The following DOK5 variants were observed in gnomAD, a reference collection of about 807,000 sequenced individuals.
The protein encoded by DOK5 is downstream of tyrosine kinase 5.
DOK5 carries 27 observed loss-of-function variants against 43.3 expected under a neutral mutation model. The observed-to-expected ratio is 0.62, with a 90% CI of 0.46 to 0.86. The LOEUF (loss-of-function observed/expected upper bound fraction) is 0.86. Among genes scored for constraint, DOK5 ranks in the 40% least tolerant of loss-of-function variants. The pLI, the probability that DOK5 is intolerant of heterozygous loss-of-function variation, is 0.00. For missense variants in DOK5, 373 were observed against 392.9 expected (o/e 0.95, Z 0.43); for synonymous variants, 146 against 140.1 (o/e 1.04, Z -0.30).
chr20:54,482,703 G>T (rs901128455), intron 1 of DOK5, among the ~76,000 whole-genome samples: 1 of 152,190 alleles, frequency 6.6e-6, no homozygotes, highest in African/African-American at 2.4e-5. Context: ...CACCATGTTG[G>T]CCAGGCTGGC....
At chr20:54,629,123 C>G (rs898672982) in intron 6 of DOK5, among the ~76,000 whole-genome samples, 1 of 152,146 alleles carries the variant, frequency 6.6e-6, no homozygotes, top group African/African-American at 2.4e-5. Flanking sequence ...TTTCTAGTGT[C>G]ATTTGGAGAA....
chr20:54,641,403 T>C (rs1463152386), intron 6 of DOK5, among the ~76,000 whole-genome samples: 2 of 152,186 alleles, frequency 1.3e-5, no homozygotes, highest in African/African-American at 4.8e-5. Flanking sequence ...AAGCCTCCTA[T>C]TATTTTGGCT....
intron 1 of DOK5, among the ~76,000 whole-genome samples, chr20:54,538,613 T>C (rs922217507): frequency 6.6e-6 from 1 of 152,206 alleles, no homozygotes; most frequent in African/African-American, 2.4e-5. Context: ...GTTTGATGTT[T>C]GAAGCAAAAT....
At chr20:54,521,081 C>T (rs772027177) in intron 1 of DOK5, among the ~76,000 whole-genome samples, 2 of 152,004 alleles carry the variant, frequency 1.3e-5, no homozygotes, top group Non-Finnish European at 2.9e-5. Context: ...TGAATGGTGC[C>T]TGCTTGAGGG....
intron 1 of DOK5, among the ~76,000 whole-genome samples, chr20:54,518,701 C>T (rs952567639): frequency 6.6e-5 from 10 of 152,194 alleles, no homozygotes; most frequent in Non-Finnish European, 1.2e-4. Flanking sequence ...AATCGCCACA[C>T]TGACTTCCAC....
At chr20:54,512,053 G>A (rs1983033597) in intron 1 of DOK5, among the ~76,000 whole-genome samples, 1 of 152,064 alleles carries the variant, frequency 6.6e-6, no homozygotes, top group African/African-American at 2.4e-5. Flanking sequence ...GAGCAGAGGT[G>A]GCTTCACCAA....
At chr20:54,574,989 C>T (rs1347453422) in intron 2 of DOK5, among the ~76,000 whole-genome samples, 1 of 152,152 alleles carries the variant, frequency 6.6e-6, no homozygotes, top group Non-Finnish European at 1.5e-5. Context: ...CCTTATGAAG[C>T]GATGCCATGT....
intron 2 of DOK5, among the ~76,000 whole-genome samples, chr20:54,561,737 C>T (rs1460852020): frequency 6.6e-6 from 1 of 152,202 alleles, no homozygotes; most frequent in Non-Finnish European, 1.5e-5. Context: ...CTCACCGCAA[C>T]CTCCACCTCC....
intron 1 of DOK5, among the ~76,000 whole-genome samples, chr20:54,489,999 A>G (rs1208893735): frequency 6.6e-6 from 1 of 152,226 alleles, no homozygotes; most frequent in African/African-American, 2.4e-5. Flanking sequence ...TTGCTAGTCT[A>G]CGAGGTGAGA....
At chr20:54,576,604 G>C (rs1178958091) in intron 2 of DOK5, among the ~76,000 whole-genome samples, 1 of 152,180 alleles carries the variant, frequency 6.6e-6, no homozygotes, top group Non-Finnish European at 1.5e-5. Context: ...AAGATTCACT[G>C]AACTGCGGTC....
rs999044822 is a variant in DOK5, at chr20:54,481,282, GT to G, written c.66+5271del. The stretch of plus-strand genomic sequence containing the variant: ...CCTCCTGGGTTCAAGCAATTCTCCT[GT>G]CTCAGCCTCCTAAGTAGCTGGGATT... On this transcript the variant is annotated intron_variant, in intron 1 of 7. Transcript: ENST00000262593. Among the ~76,000 whole-genome samples, 21 of 152,078 alleles carry G rather than the reference GT, an allele frequency of 1.4e-4. 1 individual carries two copies. The highest frequency in any genetic ancestry group is 5.1e-4 in the African/African-American group (21 of 41,464).
intron 2 of DOK5, among the ~76,000 whole-genome samples, chr20:54,567,664 A>G (rs553525404): frequency 6.6e-6 from 1 of 152,248 alleles, no homozygotes; most frequent in East Asian, 1.9e-4. Flanking sequence ...TAGCTAATCT[A>G]GTGGCTGTGC....
intron 7 of DOK5, among the ~76,000 whole-genome samples, chr20:54,649,209 C>CT (rs1979584174): frequency 6.6e-6 from 1 of 152,076 alleles, no homozygotes. Context: ...AGGTTAAGGT[C>CT]TTACTCCAGG....
chr20:54,589,261 A>G (rs1985909921), intron 4 of DOK5, among the ~76,000 whole-genome samples: 2 of 152,184 alleles, frequency 1.3e-5, no homozygotes, highest in South Asian at 4.1e-4. Flanking sequence ...CAGTTTACAG[A>G]TTTTAAAATG....
intron 1 of DOK5, among the ~76,000 whole-genome samples, chr20:54,497,926 AG>A (rs1215954472): frequency 5.3e-5 from 8 of 152,234 alleles, no homozygotes; most frequent in Non-Finnish European, 1.2e-4. Context: ...ACCAGAGACA[AG>A]GAACAGTGGT....
intron 5 of DOK5, among the ~76,000 whole-genome samples, chr20:54,606,558 A>G (rs1986475920): frequency 1.3e-5 from 2 of 152,140 alleles, no homozygotes; most frequent in Admixed American, 1.3e-4. Flanking sequence ...AGCCTGTTTG[A>G]TGTGCCTTTC....
chr20:54,519,062 T>C (rs1450813834), intron 1 of DOK5, among the ~76,000 whole-genome samples: 1 of 152,214 alleles, frequency 6.6e-6, no homozygotes, highest in Non-Finnish European at 1.5e-5. Context: ...CAACAGGTGC[T>C]GGAGAGGATG....
intron 6 of DOK5, among the ~76,000 whole-genome samples, chr20:54,642,448 A>G (rs1223856565): frequency 6.6e-6 from 1 of 151,582 alleles, no homozygotes; most frequent in East Asian, 1.9e-4. Context: ...TGACACCTGT[A>G]ATCCTAACAT....
At chr20:54,565,117 A>G (rs1445182501) in intron 2 of DOK5, among the ~76,000 whole-genome samples, 2 of 151,928 alleles carry the variant, frequency 1.3e-5, no homozygotes, top group African/African-American at 4.8e-5. Context: ...CTGTACTCTC[A>G]CTTTATGTGT....
Sources: allele counts gnomAD v4.1 joint callset (sites outside exome capture counted in the v4.1 genomes callset), GRCh38; gene constraint gnomAD v4.1.1; transcripts MANE v1.5; gene names NCBI Gene and HGNC (gene_info 2026-07-23, HGNC 2026-07-21).